Variants in CEP350 observed in about 807,000 individuals in gnomAD.
CEP350 encodes centrosome-associated protein 350.
A neutral mutation model predicts 331.8 loss-of-function variants in CEP350; 126 were observed. The observed-to-expected ratio is 0.38, with a 90% CI of 0.33 to 0.44. The LOEUF (loss-of-function observed/expected upper bound fraction) is 0.44, where lower values mean the gene tolerates loss of function less well. Ranked by LOEUF, CEP350 falls within the 20% of genes least tolerant of loss-of-function variation. CEP350 has a pLI of 1.00. For synonymous variants in CEP350, 1,200 were observed against 1,259.5 expected (o/e 0.95, Z 1.00); for missense variants, 3,406 against 3,634.6 (o/e 0.94, Z 1.62).
At position 180,094,598 on chromosome 1, in the gene CEP350, A is replaced by G. The variant is rs1660374231; in HGVS notation, c.8493A>G (p.Pro2831=). The change falls in exon 34 of 38, where the codon CCA becomes CCG. Residue 2831 remains proline (P), a synonymous_variant. Transcript: ENST00000367607. ...LEDEKEEISS[P]DMCPRPESPV... is the part of the protein sequence containing the mutation. The stretch of plus-strand genomic sequence containing the variant: ...ATGAAAAAGAAGAGATTTCCTCTCC[A>G]GATATGTGTCCCAGACCGGTGAGTA... The G allele has an allele frequency of 6.2e-7, 1 of 1,613,422 alleles. No individual in the cohort carries two copies. Among genetic ancestry groups the G allele is most frequent in the African/African-American group, 1.3e-5 (1 of 74,872 alleles).
At position 180,107,524 on chromosome 1, in the gene CEP350, C is replaced by T. The variant is rs147387866; in HGVS notation, c.9190-3473C>T. ...TCTCTCTGAAAATACAAAAATTAGC[C>T]GGGCATAGTGGCGCATGCCTGTAAT... On this transcript the variant is annotated intron_variant, in intron 37 of 37. Coordinates refer to ENST00000367607, the MANE Select transcript of CEP350 (RefSeq NM_014810.5). Among the ~76,000 whole-genome samples the T allele has an allele frequency of 8.4e-3, 1,275 of 152,220 alleles. 15 individuals are homozygous for T. The highest frequency in any genetic ancestry group is 0.029 in the African/African-American group (1,201 of 41,538).
chr1:180,080,429 ATCTT>A, intron 29 of CEP350, 84 bp from the exon 30 acceptor site: 16 of 1,140,292 alleles, frequency 1.4e-5, no homozygotes, highest in Non-Finnish European at 1.8e-5. Context: ...TGTAAATGTT[ATCTT>A]TATATGGCTA....
chr1:179,974,559 A>G (rs756424557), intron 1 of CEP350, among the ~76,000 whole-genome samples: 11 of 152,320 alleles, frequency 7.2e-5, no homozygotes, highest in Middle Eastern at 6.8e-3. Context: ...AGCACTCATT[A>G]TATTGTATAC....
At chr1:180,029,832 C>G (rs1655898834) in intron 14 of CEP350, among the ~76,000 whole-genome samples, 1 of 152,196 alleles carries the variant, frequency 6.6e-6, no homozygotes, top group Admixed American at 6.5e-5. Context: ...TCATTCTCCT[C>G]TTCTCCCAGC....
chr1:180,095,602 T>G lies in CEP350; in HGVS notation c.8591T>G (p.Leu2864Arg). 6.2e-7 allele frequency: 1 copy of G among 1,613,992 alleles called. No homozygotes were observed. Among genetic ancestry groups the G allele is most frequent in the South Asian group, 1.1e-5 (1 of 91,086 alleles). ...LAELELSREF[L>R]SALGDDQDWF... ...GAACTTGAACTCAGCCGGGAGTTCC[T>G]GAGCGCGTTAGGAGATGATCAAGAC... The change falls in exon 35 of 38, where the codon CTG (leucine) becomes CGG (arginine). Residue 2864 changes from leucine (L) to arginine (R), a missense_variant. Around this residue, in one of 5 missense-constraint regions of CEP350, gnomAD observed 1,415 missense variants for 1,512.3 expected, o/e 0.94. Transcript: ENST00000367607.
intron 15 of CEP350, among the ~76,000 whole-genome samples, chr1:180,032,656 C>G (rs1656098118): frequency 6.6e-6 from 1 of 151,024 alleles, no homozygotes; most frequent in South Asian, 2.1e-4. Context: ...TCCTATTTGC[C>G]TGTAGTCACT....
chr1:179,962,169 A>C (rs1293175600), intron 1 of CEP350, among the ~76,000 whole-genome samples: 1 of 151,922 alleles, frequency 6.6e-6, no homozygotes. Context: ...TGGAATCCAC[A>C]GTATCTTATT....
intron 1 of CEP350, among the ~76,000 whole-genome samples, chr1:179,975,876 G>A (rs1426434393): frequency 6.6e-6 from 1 of 152,172 alleles, no homozygotes; most frequent in Admixed American, 6.5e-5. Context: ...ACGTGAGGTT[G>A]CCTGGGTAGA....
chr1:179,983,827 A>AT (rs1652460306), intron 1 of CEP350, among the ~76,000 whole-genome samples: 1 of 152,214 alleles, frequency 6.6e-6, no homozygotes, highest in Non-Finnish European at 1.5e-5. Context: ...TAAGAAAAAC[A>AT]TTAAGATCCT....
intron 7 of CEP350, among the ~76,000 whole-genome samples, chr1:180,004,903 C>CT (rs1413476930): frequency 1.6e-5 from 1 of 60,896 alleles, no homozygotes; most frequent in Non-Finnish European, 3.8e-5. Flanking sequence ...TGCTTGCTTG[C>CT]TTGCTTTCTT....
chr1:180,058,265 C>T (rs1428588582), intron 25 of CEP350, among the ~76,000 whole-genome samples: 1 of 152,166 alleles, frequency 6.6e-6, no homozygotes. Context: ...TCAACACTGT[C>T]TGTAGAGATT....
At chr1:180,022,653 C>G in intron 12 of CEP350, 45 bp from the exon 13 acceptor site, 2 of 1,563,732 alleles carry the variant, frequency 1.3e-6, no homozygotes, top group Non-Finnish European at 8.7e-7. Flanking sequence ...CTTACAGTTT[C>G]TTGATTTTCG....
intron 1 of CEP350, among the ~76,000 whole-genome samples, chr1:179,960,143 C>T (rs1650478547): frequency 6.6e-6 from 1 of 152,304 alleles, no homozygotes; most frequent in South Asian, 2.1e-4. Flanking sequence ...AGATAGGCTG[C>T]CATTCCATTG....
chr1:180,080,055 C>T (rs1659466541), intron 29 of CEP350, among the ~76,000 whole-genome samples: 1 of 152,162 alleles, frequency 6.6e-6, no homozygotes, highest in South Asian at 2.1e-4. Context: ...TCAAATCAGG[C>T]ATCTCACTTC....
chr1:180,092,672 A>C lies in CEP350; in HGVS notation c.6567A>C (p.Ala2189=), dbSNP rs747465962. Residue 2189 remains alanine, a synonymous_variant, in exon 34 of 38, where the codon GCA becomes GCC. Transcript: ENST00000367607. The part of the protein sequence containing the change: ...SVSERSLSAY[A]KRVNEWDSRT... Reference sequence around the variant, plus strand: ...CAGAAAGGTCTTTATCTGCATATGCAAAGAGAGTAAATGAATGGGACAGTC... The same window carrying C: ...CAGAAAGGTCTTTATCTGCATATGCCAAGAGAGTAAATGAATGGGACAGTC... 1.2e-6 allele frequency: 2 copies of C among 1,613,080 alleles called. No homozygotes were observed. Among genetic ancestry groups the C allele is most frequent in the Admixed American group, 1.7e-5 (1 of 59,902 alleles).
intron 10 of CEP350, 72 bp from the exon 11 acceptor site, chr1:180,015,777 G>C: frequency 6.6e-7 from 1 of 1,516,888 alleles, no homozygotes; most frequent in Non-Finnish European, 8.9e-7. Context: ...GTGACTTAAT[G>C]TTTAACTTAG....
chr1:180,022,823 GAA>G lies in CEP350; in HGVS notation c.3368_3369del (p.Lys1123IlefsTer4). 1 of 1,588,322 alleles carries G rather than the reference GAA, an allele frequency of 6.3e-7. No homozygotes were observed. Among genetic ancestry groups the G allele is most frequent in the Non-Finnish European group, 8.6e-7 (1 of 1,166,214 alleles). ...VSSPGTGTST[E>X]KKSTLEPHST... Reference sequence around the variant, plus strand: ...CTCTCCAGGGACTGGGACTTCGACAGAAAAAAAATCAACTCTTGAACCTCAGT... The same window carrying G: ...CTCTCCAGGGACTGGGACTTCGACAGAAAAAATCAACTCTTGAACCTCAGT... On this transcript the variant is annotated frameshift_variant, in exon 13 of 38. Coordinates refer to ENST00000367607, the MANE Select transcript of CEP350 (RefSeq NM_014810.5). LOFTEE classifies it high-confidence loss of function.
At chr1:180,079,304 A>T (rs1659421750) in intron 29 of CEP350, among the ~76,000 whole-genome samples, 1 of 151,640 alleles carries the variant, frequency 6.6e-6, no homozygotes, top group South Asian at 2.1e-4. Flanking sequence ...GTATACACAG[A>T]TGTTGTTAAA....
intron 10 of CEP350, 105 bp downstream of exon 10, chr1:180,014,610 A>AATCTGCTTATTCCTAGTATG (rs1204306974): frequency 2.0e-6 from 2 of 1,018,716 alleles, no homozygotes; most frequent in Non-Finnish European, 2.8e-6. Context: ...CTCAGATAAT[A>AATCTGCTTATTCCTAGTATG]CTTATAATAA....
Sources: gnomAD v4.1 joint callset for allele counts (sites outside exome capture counted in the v4.1 genomes callset) on GRCh38, gnomAD v4.1.1 for gene constraint, gnomAD v4.1.1 regional missense constraint, MANE v1.5 for transcripts, NCBI Gene and HGNC (gene_info 2026-07-23, HGNC 2026-07-21) for gene names.